L2HGDH: variants seen among roughly 807,000 people sequenced by gnomAD.
L2HGDH encodes the protein L-2-hydroxyglutarate dehydrogenase, also known as L-2-hydroxyglutarate dehydrogenase, mitochondrial.
A neutral mutation model predicts 51.5 loss-of-function variants in L2HGDH; 34 were observed. That is an observed-to-expected ratio of 0.66 (90% CI 0.50 to 0.88). The LOEUF is 0.88. Ranked by LOEUF, L2HGDH falls within the 40% of genes least tolerant of loss-of-function variation. L2HGDH has a pLI of 0.00. For synonymous variants in L2HGDH, 198 were observed against 197.9 expected (o/e 1.00, Z -0.01); for missense variants, 558 against 571.9 (o/e 0.98, Z 0.25).
In L2HGDH at chr14:50,265,509, A is replaced by C. The variant is rs745454561; in HGVS notation, c.1065-20T>G. ...AAGCCACTGAAAACAGAGAAAAAAA[A>C]TCTTTATGAGAGAAAGGAATTCTTT... On this transcript the variant is annotated intron_variant, in intron 8 of 9. Transcript: ENST00000267436. 1.2e-6 allele frequency: 2 copies of C among 1,605,590 alleles called. No homozygotes were observed. The highest frequency in any genetic ancestry group is 2.2e-5 in the South Asian group (2 of 90,606).
intron 9 of L2HGDH, among the ~76,000 whole-genome samples, chr14:50,259,815 C>CA (rs1281301917): frequency 2.0e-5 from 3 of 151,496 alleles, no homozygotes; most frequent in Admixed American, 6.6e-5. Context: ...GCCTGGGAGA[C>CA]AGAGCGAGAC....
At chr14:50,255,083 C>T (rs185425660) in intron 9 of L2HGDH, among the ~76,000 whole-genome samples, 18 of 151,984 alleles carry the variant, frequency 1.2e-4, no homozygotes, top group African/African-American at 3.4e-4. Context: ...GTTTTTCCTA[C>T]GATTTCATTT....
intron 5 of L2HGDH, among the ~76,000 whole-genome samples, chr14:50,281,834 C>T (rs759309852): frequency 6.6e-6 from 1 of 151,972 alleles, no homozygotes; most frequent in Non-Finnish European, 1.5e-5. Context: ...TTTAGAGATA[C>T]TTTTTATTTT....
chr14:50,269,521 A>G (rs927745931), intron 6 of L2HGDH, among the ~76,000 whole-genome samples, 191 bp from the exon 7 acceptor site: 6 of 152,214 alleles, frequency 3.9e-5, no homozygotes, highest in Admixed American at 2.6e-4. Flanking sequence ...GGATAGTGGC[A>G]TGTAAGAGGA....
Position 50,267,994 on chromosome 14 carries a change from C to T in L2HGDH, c.907-84G>A, listed in dbSNP as rs909467057. The T allele has an allele frequency of 3.9e-6, 5 of 1,279,066 alleles. No individual in the cohort carries two copies. In the African/African-American group the frequency reaches 5.9e-5, roughly 15 times the overall value. 79.2% of individuals were successfully genotyped at this position (1,279,066 alleles called of 1,614,324 possible). ...CAAACATTCAATTGGTAACATAAAA[C>T]ACTTTCTTCTCATGCATTTAATTTG... On this transcript the variant is annotated intron_variant, in intron 7 of 9. Coordinates refer to ENST00000267436, the MANE Select transcript of L2HGDH (RefSeq NM_024884.3).
chr14:50,275,216 T>C (rs745447078), intron 6 of L2HGDH, among the ~76,000 whole-genome samples: 4 of 152,140 alleles, frequency 2.6e-5, no homozygotes, highest in African/African-American at 7.2e-5. Flanking sequence ...AATGTAAACA[T>C]AGAACTGGAA....
chr14:50,279,706 G>A (rs1346963665), intron 5 of L2HGDH, among the ~76,000 whole-genome samples: 1 of 151,494 alleles, frequency 6.6e-6, no homozygotes, highest in Non-Finnish European at 1.5e-5. Flanking sequence ...AAAGAAGGAA[G>A]AAAGTAAAGA....
In L2HGDH at chr14:50,253,720, A is replaced by G. The variant is rs891499689; in HGVS notation, c.1197-6467T>C. ...GAAAGGAAATCAGTGTATCAAAGAG[A>G]TATCTGAATTTCCATGTTTACTGCA... On this transcript the variant is annotated intron_variant, in intron 9 of 9. Coordinates refer to ENST00000267436, the MANE Select transcript of L2HGDH (RefSeq NM_024884.3). Among the ~76,000 whole-genome samples, 6 of 152,140 alleles carry G rather than the reference A, an allele frequency of 3.9e-5. No homozygotes were observed. In the East Asian group the frequency reaches 1.2e-3, roughly 29 times the overall value.
chr14:50,281,257 A>C (rs1890255066), intron 5 of L2HGDH, among the ~76,000 whole-genome samples: 1 of 152,172 alleles, frequency 6.6e-6, no homozygotes, highest in Non-Finnish European at 1.5e-5. Flanking sequence ...AGGAGATGTC[A>C]TGTCATGAAA....
intron 4 of L2HGDH, 48 bp downstream of exon 4, chr14:50,294,067 T>G: frequency 1.2e-6 from 2 of 1,603,044 alleles, no homozygotes; most frequent in Non-Finnish European, 1.7e-6. Context: ...AGCCTCCATG[T>G]CTCAGGACTA....
At chr14:50,311,805 C>T (rs2031216568) in intron 1 of L2HGDH, among the ~76,000 whole-genome samples, 1 of 152,220 alleles carries the variant, frequency 6.6e-6, no homozygotes, top group South Asian at 2.1e-4. Flanking sequence ...GACCTCTACT[C>T]TATACACTGC....
chr14:50,283,387 T>G (rs1051581071), intron 5 of L2HGDH, among the ~76,000 whole-genome samples: 2 of 152,090 alleles, frequency 1.3e-5, no homozygotes, highest in African/African-American at 4.8e-5. Context: ...GGAGTCCCAG[T>G]TCTCTCACAT....
intron 1 of L2HGDH, among the ~76,000 whole-genome samples, chr14:50,310,538 T>C (rs1024002544): frequency 1.3e-5 from 2 of 151,696 alleles, no homozygotes; most frequent in African/African-American, 4.8e-5. Context: ...TACAAAAAAA[T>C]AGGAAAATAA....
intron 5 of L2HGDH, among the ~76,000 whole-genome samples, chr14:50,281,929 C>T (rs531181593): frequency 6.6e-6 from 1 of 152,334 alleles, no homozygotes; most frequent in East Asian, 1.9e-4. Context: ...TAACCTCCAC[C>T]TCCCGGGTTC....
chr14:50,276,176 C>T (rs1004898037), intron 6 of L2HGDH, among the ~76,000 whole-genome samples: 2 of 152,172 alleles, frequency 1.3e-5, no homozygotes, highest in African/African-American at 2.4e-5. Context: ...GAAACTACCT[C>T]GACCCAAAAC....
chr14:50,275,219 A>C (rs1406783287), intron 6 of L2HGDH, among the ~76,000 whole-genome samples: 3 of 152,196 alleles, frequency 2.0e-5, no homozygotes, highest in Non-Finnish European at 4.4e-5. Context: ...GTAAACATAG[A>C]ACTGGAAAAC....
At chr14:50,259,051 T>C (rs1267126075) in intron 9 of L2HGDH, among the ~76,000 whole-genome samples, 1 of 145,896 alleles carries the variant, frequency 6.9e-6, no homozygotes, top group Non-Finnish European at 1.5e-5. Context: ...AGAGACAAGG[T>C]CTCATATTGC....
At chr14:50,264,857 C>T (rs1595082732) in intron 9 of L2HGDH, among the ~76,000 whole-genome samples, 1 of 152,140 alleles carries the variant, frequency 6.6e-6, no homozygotes, top group Non-Finnish European at 1.5e-5. Flanking sequence ...GAAACCTTCA[C>T]ATGTACCCCA....
intron 5 of L2HGDH, among the ~76,000 whole-genome samples, chr14:50,279,309 T>G (rs961621691): frequency 6.6e-6 from 1 of 151,924 alleles, no homozygotes; most frequent in African/African-American, 2.4e-5. Context: ...CACAAATCTA[T>G]CATTTGGACA....
Sources: allele counts gnomAD v4.1 joint callset (sites outside exome capture counted in the v4.1 genomes callset), GRCh38; gene constraint gnomAD v4.1.1; transcripts MANE v1.5; gene names NCBI Gene and HGNC (gene_info 2026-07-23, HGNC 2026-07-21).